GRK5: variants seen among roughly 807,000 people sequenced by gnomAD.
GRK5 encodes g protein-coupled receptor kinase GRK5.
In GRK5, 40 loss-of-function variants were observed where a neutral mutation model predicts 78.4. The ratio of observed to expected loss-of-function variants is 0.51; its 90% CI spans 0.40 to 0.66. GRK5 has a LOEUF of 0.66. GRK5 is among the 30% of genes least tolerant of loss of function. The pLI is 0.00. For synonymous variants in GRK5, 289 were observed against 296.8 expected (o/e 0.97, Z 0.27); for missense variants, 598 against 759.9 (o/e 0.79, Z 2.50).
chr10:119,303,305 T>C (rs1199424519), intron 1 of GRK5, among the ~76,000 whole-genome samples: 1 of 152,134 alleles, frequency 6.6e-6, no homozygotes, highest in Non-Finnish European at 1.5e-5. Flanking sequence ...GTAGCAGGAT[T>C]AGATAAGAGA....
At position 119,380,805 on chromosome 10, in the gene GRK5, T is replaced by C; in HGVS notation, c.149-10T>C. 1 of 1,569,924 alleles carries C rather than the reference T, an allele frequency of 6.4e-7. No homozygotes were observed. Among genetic ancestry groups the C allele is most frequent in the Non-Finnish European group, 8.8e-7 (1 of 1,140,796 alleles). The stretch of plus-strand genomic sequence containing the variant: ...TGGGTCTCATCACATTCTTCTTTTC[T>C]TGTCTCCAGACAGAGATTACTGCAG... On this transcript the variant is annotated splice_polypyrimidine_tract_variant and intron_variant, in intron 2 of 15. Coordinates refer to ENST00000392870, the MANE Select transcript of GRK5 (RefSeq NM_005308.3).
chr10:119,309,074 C>T lies in GRK5; in HGVS notation c.53-17442C>T, dbSNP rs370734903. 9.8e-5 allele frequency among the ~76,000 whole-genome samples: 15 copies of T among 152,326 alleles called. No homozygotes were observed. In the East Asian group the frequency reaches 1.5e-3, roughly 16 times the overall value. On this transcript the variant is annotated intron_variant, in intron 1 of 15. Transcript: ENST00000392870. ...CCTAGATGGAAACTGGGGCCACCTT[C>T]GGAGTTCTTGCCACATCCCTGCAGG...
intron 4 of GRK5, among the ~76,000 whole-genome samples, chr10:119,405,836 A>G (rs1246699154): frequency 6.6e-6 from 1 of 152,220 alleles, no homozygotes; most frequent in Non-Finnish European, 1.5e-5. Context: ...TACCCTTAAC[A>G]GTTACCTATA....
At chr10:119,389,030 G>A (rs1390656749) in intron 3 of GRK5, among the ~76,000 whole-genome samples, 3 of 152,214 alleles carry the variant, frequency 2.0e-5, no homozygotes, top group African/African-American at 4.8e-5. Context: ...TCATACTGGT[G>A]GCACTGGTTA....
At chr10:119,396,571 C>A in intron 3 of GRK5, 124 bp from the exon 4 acceptor site, 1 of 751,024 alleles carries the variant, frequency 1.3e-6, no homozygotes, top group Non-Finnish European at 2.2e-6. Flanking sequence ...GTTTCCTGAC[C>A]TGCAGGAGAA....
In GRK5 at chr10:119,445,236, C is replaced by T. The variant is rs1273665674; in HGVS notation, c.1266+1484C>T. On this transcript the variant is annotated intron_variant, in intron 12 of 15. Transcript: ENST00000392870. This position sits in a 1 kb window ranked among gnomAD's most constrained non-coding sequence, Gnocchi z 4.1. ...GTGGGTGTGAGCCATACTTGGCTGT[C>T]TCATTGGGAGATATCTGTCAGGTGC... Among the ~76,000 whole-genome samples the T allele has an allele frequency of 6.6e-6, 1 of 152,138 alleles. No individual in the cohort carries two copies. Among genetic ancestry groups the T allele is most frequent in the African/African-American group, 2.4e-5 (1 of 41,410 alleles).
At chr10:119,423,801 GCACA>G (rs34038078) in intron 5 of GRK5, among the ~76,000 whole-genome samples, 6 of 151,126 alleles carry the variant, frequency 4.0e-5, no homozygotes, top group African/African-American at 9.7e-5. Context: ...ACACACGCAA[GCACA>G]CACACACACA....
At chr10:119,261,311 C>A (rs1849393092) in intron 1 of GRK5, among the ~76,000 whole-genome samples, 1 of 142,496 alleles carries the variant, frequency 7.0e-6, no homozygotes, top group Non-Finnish European at 1.5e-5. Context: ...GGCGGCGGGG[C>A]AGAGACGCTC....
chr10:119,396,258 A>T (rs997559990), intron 3 of GRK5, among the ~76,000 whole-genome samples: 2 of 152,248 alleles, frequency 1.3e-5, no homozygotes, highest in Non-Finnish European at 2.9e-5. Flanking sequence ...TGAGTGACCT[A>T]AGGCAGCTTC....
At position 119,263,659 on chromosome 10, in the gene GRK5, C is replaced by T. The variant is rs527633175; in HGVS notation, c.52+55690C>T. Among the ~76,000 whole-genome samples, 6 of 152,324 alleles carry T rather than the reference C, an allele frequency of 3.9e-5. No individual in the cohort carries two copies. In the East Asian group the frequency reaches 9.6e-4, roughly 24 times the overall value. On this transcript the variant is annotated intron_variant, in intron 1 of 15. Transcript: ENST00000392870. Reference sequence around the variant, plus strand: ...CTAGTTGAGGCCAGGCGCAGTGGCTCATGCCTGTAATCCCAGCACTTTGGG... The same window carrying T: ...CTAGTTGAGGCCAGGCGCAGTGGCTTATGCCTGTAATCCCAGCACTTTGGG...
intron 2 of GRK5, among the ~76,000 whole-genome samples, chr10:119,370,322 C>A (rs1851526375): frequency 6.6e-6 from 1 of 152,178 alleles, no homozygotes; most frequent in African/African-American, 2.4e-5. Flanking sequence ...CCAAGTGCCA[C>A]CAAACTTTGT....
intron 3 of GRK5, among the ~76,000 whole-genome samples, chr10:119,392,253 C>T (rs1851898772): frequency 6.6e-6 from 1 of 152,194 alleles, no homozygotes; most frequent in African/African-American, 2.4e-5. Flanking sequence ...ATGTAATAGT[C>T]TGCATTTTGT....
At chr10:119,413,332 G>A (rs534580147) in intron 4 of GRK5, among the ~76,000 whole-genome samples, 1 of 151,528 alleles carries the variant, frequency 6.6e-6, no homozygotes, top group Admixed American at 6.6e-5. Flanking sequence ...CCCCATAAAG[G>A]ACCTTCTGGT....
At chr10:119,291,159 G>A (rs942396095) in intron 1 of GRK5, among the ~76,000 whole-genome samples, 3 of 152,168 alleles carry the variant, frequency 2.0e-5, no homozygotes, top group Non-Finnish European at 4.4e-5. Flanking sequence ...GGGTGATCTG[G>A]CTGGTTGTAC....
At position 119,457,730 on chromosome 10, in the gene GRK5, A is replaced by G. The variant is rs1589821326; in HGVS notation, c.*2663A>G. 7.3e-6 allele frequency: 1 copy of G among 137,406 alleles called. No homozygotes were observed. Among genetic ancestry groups the G allele is most frequent in the Non-Finnish European group, 1.5e-5 (1 of 65,526 alleles). 8.5% of individuals were successfully genotyped at this position (137,406 alleles called of 1,614,324 possible). On this transcript the variant is annotated 3_prime_UTR_variant, in exon 16 of 16. Transcript: ENST00000392870. ...GAGACAAGATCTCATTGTGTTCCCCAGGCTGAAGTGCAGTGGCATGATTCT... is the reference window on the plus strand; with the variant it reads ...GAGACAAGATCTCATTGTGTTCCCCGGGCTGAAGTGCAGTGGCATGATTCT...
chr10:119,355,676 A>G (rs547255130), intron 2 of GRK5, among the ~76,000 whole-genome samples: 1 of 152,322 alleles, frequency 6.6e-6, no homozygotes, highest in East Asian at 1.9e-4. Flanking sequence ...GCTACTCAGG[A>G]GGCTGAGGCA....
At chr10:119,230,697 G>A (rs1848812805) in intron 1 of GRK5, among the ~76,000 whole-genome samples, 2 of 151,914 alleles carry the variant, frequency 1.3e-5, no homozygotes, top group African/African-American at 2.4e-5. Flanking sequence ...AATTAGCCAG[G>A]TGTGGTGGTG....
In GRK5 at chr10:119,207,829, C is replaced by G; in HGVS notation, c.-89C>G. ...GCTCCCCCGGCTCCGGCAGCAGCGGCGGCAGCCCGAGCAGCGGCAGCAGCA... is the reference window on the plus strand; with the variant it reads ...GCTCCCCCGGCTCCGGCAGCAGCGGGGGCAGCCCGAGCAGCGGCAGCAGCA... On this transcript the variant is annotated 5_prime_UTR_variant, in exon 1 of 16. Coordinates refer to ENST00000392870, the MANE Select transcript of GRK5 (RefSeq NM_005308.3). 1 of 1,286,850 alleles carries G rather than the reference C, an allele frequency of 7.8e-7. No individual in the cohort carries two copies. Among genetic ancestry groups the G allele is most frequent in the Non-Finnish European group, 1.1e-6 (1 of 935,254 alleles). The allele number at this position is 1,286,850 out of a possible 1,614,324, so 79.7% of individuals were successfully genotyped here.
intron 1 of GRK5, among the ~76,000 whole-genome samples, chr10:119,222,592 T>G (rs575105075): frequency 1.3e-5 from 2 of 152,120 alleles, no homozygotes; most frequent in Non-Finnish European, 2.9e-5. Flanking sequence ...AACAAATCAG[T>G]GGCCCCTCCT....
Sources: allele counts gnomAD v4.1 joint callset (sites outside exome capture counted in the v4.1 genomes callset), GRCh38; gene constraint gnomAD v4.1.1; non-coding constraint Gnocchi (gnomAD v3.1); transcripts MANE v1.5; gene names NCBI Gene and HGNC (gene_info 2026-07-23, HGNC 2026-07-21).